Variants in SLCO3A1 observed in about 807,000 individuals in gnomAD.
The protein encoded by SLCO3A1 is PGE1 transporter.
SLCO3A1 carries 27 observed loss-of-function variants against 63.1 expected under a neutral mutation model. That is an observed-to-expected ratio of 0.43 (90% CI 0.32 to 0.59). The LOEUF (loss-of-function observed/expected upper bound fraction) is 0.59. SLCO3A1 is among the 20% of genes least tolerant of loss of function. SLCO3A1 has a pLI of 0.09. For synonymous variants in SLCO3A1, 473 were observed against 409.9 expected, an observed-to-expected ratio of 1.15 and a Z score of -1.86; for missense variants, 773 against 945.8, an observed-to-expected ratio of 0.82 and a Z score of 2.40.
Position 92,147,148 on chromosome 15 carries a change from C to A in SLCO3A1, c.1677C>A (p.Ile559=), listed in dbSNP as rs373470993. The A allele has an allele frequency of 1.2e-6, 2 of 1,611,858 alleles. No homozygotes were observed. Among genetic ancestry groups the A allele is most frequent in the Non-Finnish European group, 1.7e-6 (2 of 1,179,258 alleles). Reference sequence around the variant, plus strand: ...CCATGGCACAGACACCCTCAGTCATCATCCTCATCAGGTAAGCCCTCGGCA... The same window carrying A: ...CCATGGCACAGACACCCTCAGTCATAATCCTCATCAGGTAAGCCCTCGGCA... ...IGAMAQTPSV[I]ILIRTVSPEL... Residue 559 remains isoleucine (I), a synonymous_variant, in exon 8 of 10, where the codon ATC becomes ATA. Coordinates refer to ENST00000318445, the MANE Select transcript of SLCO3A1 (RefSeq NM_013272.4).
At chr15:92,107,836 T>TA (rs902349193) in intron 4 of SLCO3A1, among the ~76,000 whole-genome samples, 2 of 152,268 alleles carry the variant, frequency 1.3e-5, no homozygotes, top group African/African-American at 4.8e-5. Context: ...CCACCTGGGT[T>TA]AAAATCCAGC....
intron 1 of SLCO3A1, among the ~76,000 whole-genome samples, chr15:91,891,583 G>A (rs909472614): frequency 5.9e-5 from 9 of 152,170 alleles, no homozygotes; most frequent in African/African-American, 2.2e-4. Context: ...AGGCTCACTA[G>A]TGTTAATTCC....
At chr15:92,100,874 C>T (rs1596101640) in intron 3 of SLCO3A1, among the ~76,000 whole-genome samples, 1 of 152,154 alleles carries the variant, frequency 6.6e-6, no homozygotes, top group Non-Finnish European at 1.5e-5. Context: ...TGTCAGATAC[C>T]ATCTTAGGAG....
intron 2 of SLCO3A1, among the ~76,000 whole-genome samples, chr15:91,957,092 A>ACTATATAATATATAGT (rs1491425919): frequency 3.8e-3 from 2 of 520 alleles, no homozygotes; most frequent in Non-Finnish European, 5.1e-3. Context: ...TAGTATATAT[A>ACTATATAATATATAGT]ATATATATAA....
chr15:91,967,897 CAA>C lies in SLCO3A1; in HGVS notation c.646+51440_646+51441del, dbSNP rs1228903745. Among the ~76,000 whole-genome samples, 1 of 152,186 alleles carries C rather than the reference CAA, an allele frequency of 6.6e-6. No homozygotes were observed. The highest frequency in any genetic ancestry group is 6.5e-5 in the Admixed American group (1 of 15,280). Reference sequence around the variant, plus strand: ...TGCAGGATTCAGCACCAAGAGCTCTCAAGAGCAAATCCACAGGCAGCTAAATC... The same window carrying C: ...TGCAGGATTCAGCACCAAGAGCTCTCGAGCAAATCCACAGGCAGCTAAATC... On this transcript the variant is annotated intron_variant, in intron 2 of 9. Transcript: ENST00000318445. This position sits in a 1 kb window ranked among gnomAD's most constrained non-coding sequence, Gnocchi z 4.4.
chr15:91,975,649 C>T (rs980541399), intron 2 of SLCO3A1, among the ~76,000 whole-genome samples: 1 of 152,254 alleles, frequency 6.6e-6, no homozygotes, highest in African/African-American at 2.4e-5. Context: ...AAGCTGCATC[C>T]AGGTACAACC....
chr15:91,869,005 A>G (rs1897232610), intron 1 of SLCO3A1, among the ~76,000 whole-genome samples: 1 of 152,246 alleles, frequency 6.6e-6, no homozygotes, highest in Non-Finnish European at 1.5e-5. Context: ...TTAAAAATTC[A>G]AAATCCCCCA....
intron 2 of SLCO3A1, among the ~76,000 whole-genome samples, chr15:92,058,566 C>T (rs1220330254): frequency 6.6e-6 from 1 of 152,098 alleles, no homozygotes; most frequent in African/African-American, 2.4e-5. Context: ...AAATGTGGCC[C>T]ATCACCCCAT....
In SLCO3A1 at chr15:92,164,228, G is replaced by T. The variant is rs1184751426; in HGVS notation, c.*1093G>T. On this transcript the variant is annotated 3_prime_UTR_variant, in exon 10 of 10. Transcript: ENST00000318445. ...TGCACCAAAAATATGTGATACAAGG[G>T]ATGCAATTAACCTATTGTAATTTTC... The T allele has an allele frequency of 3.0e-6, 3 of 984,540 alleles. No individual in the cohort carries two copies. The highest frequency in any genetic ancestry group is 3.6e-6 in the Non-Finnish European group (3 of 829,486). The allele number at this position is 984,540 out of a possible 1,614,324, so 61.0% of individuals were successfully genotyped here.
chr15:91,986,271 G>A (rs560799158), intron 2 of SLCO3A1, among the ~76,000 whole-genome samples: 8 of 152,152 alleles, frequency 5.3e-5, no homozygotes, highest in Non-Finnish European at 1.0e-4. Flanking sequence ...AGCCTCCCTG[G>A]CTTCCTGGGG....
chr15:92,031,833 T>C (rs1170013089), intron 2 of SLCO3A1, among the ~76,000 whole-genome samples: 1 of 140,198 alleles, frequency 7.1e-6, no homozygotes, highest in Non-Finnish European at 1.5e-5. Flanking sequence ...TTAGTTATTT[T>C]TAAATATACA....
At chr15:92,120,028 T>C (rs1407229606) in intron 4 of SLCO3A1, among the ~76,000 whole-genome samples, 1 of 152,178 alleles carries the variant, frequency 6.6e-6, no homozygotes, top group Non-Finnish European at 1.5e-5. Context: ...TCAATAGGTA[T>C]ATTGACATAT....
intron 1 of SLCO3A1, 40 bp from the exon 2 acceptor site, chr15:91,915,950 ATCT>A: frequency 6.6e-7 from 1 of 1,519,208 alleles, no homozygotes; most frequent in Non-Finnish European, 9.1e-7. Flanking sequence ...CTTCCTGGGC[ATCT>A]TCTTGGATTG....
intron 1 of SLCO3A1, among the ~76,000 whole-genome samples, chr15:91,891,316 T>C (rs182282846): frequency 2.2e-3 from 335 of 152,312 alleles, no homozygotes; most frequent in Non-Finnish European, 4.0e-3. Context: ...CCACCTTGTC[T>C]GAAGTCAGGC....
At chr15:92,093,350 T>C (rs1455897895) in intron 2 of SLCO3A1, among the ~76,000 whole-genome samples, 2 of 152,056 alleles carry the variant, frequency 1.3e-5, no homozygotes, top group African/African-American at 4.8e-5. Context: ...GGTCCCAGAT[T>C]CCTTTAAACA....
intron 2 of SLCO3A1, among the ~76,000 whole-genome samples, chr15:91,957,451 C>T (rs1268709003): frequency 1.3e-5 from 2 of 151,864 alleles, no homozygotes; most frequent in Admixed American, 6.6e-5. Context: ...GTGATGGGGT[C>T]AGTCTGCCTT....
intron 1 of SLCO3A1, among the ~76,000 whole-genome samples, chr15:91,864,103 T>A (rs1361440024): frequency 2.0e-5 from 3 of 152,246 alleles, no homozygotes; most frequent in Non-Finnish European, 4.4e-5. Flanking sequence ...CCAGCAGTGC[T>A]TGGGCTAAAT....
intron 9 of SLCO3A1, among the ~76,000 whole-genome samples, chr15:92,160,170 T>C (rs966272727): frequency 1.3e-5 from 2 of 151,998 alleles, no homozygotes; most frequent in Non-Finnish European, 2.9e-5. Flanking sequence ...CACAATATAA[T>C]GATTATGCCC....
chr15:91,971,817 C>T (rs551796041), intron 2 of SLCO3A1, among the ~76,000 whole-genome samples: 5 of 80,736 alleles, frequency 6.2e-5, no homozygotes, highest in South Asian at 4.7e-4. Context: ...GCAGTGGCTC[C>T]GTATTCAGCA....
Sources: gnomAD v4.1 joint callset for allele counts (sites outside exome capture counted in the v4.1 genomes callset) on GRCh38, gnomAD v4.1.1 for gene constraint, Gnocchi (gnomAD v3.1) non-coding constraint, MANE v1.5 for transcripts, NCBI Gene and HGNC (gene_info 2026-07-23, HGNC 2026-07-21) for gene names.